Variants in SGCD observed in about 807,000 individuals in gnomAD.
SGCD encodes sarcoglycan delta, also known as delta-sarcoglycan.
Under a neutral mutation model 36.6 loss-of-function variants are expected in SGCD, and 18 were observed. The observed-to-expected ratio is 0.49, with a 90% confidence interval of 0.34 to 0.73. The LOEUF is 0.73. Among genes scored for constraint, SGCD ranks in the 30% least tolerant of loss-of-function variants. SGCD has a pLI of 0.01. For missense variants in SGCD, 387 were observed against 346.7 expected (o/e 1.12, Z -0.92); for synonymous variants, 133 against 130.6 (o/e 1.02, Z -0.12).
At chr5:156,496,796 G>A (rs1180918324) in intron 3 of SGCD, among the ~76,000 whole-genome samples, 1 of 152,098 alleles carries the variant, frequency 6.6e-6, no homozygotes, top group Non-Finnish European at 1.5e-5. Context: ...ATAAAGAGCA[G>A]CAAAGTGCTT....
At chr5:155,915,303 T>G (rs1580988594) in intron 1 of SGCD, among the ~76,000 whole-genome samples, 1 of 152,296 alleles carries the variant, frequency 6.6e-6, no homozygotes, top group East Asian at 1.9e-4. Flanking sequence ...ATACACAATT[T>G]GAGTAAGGTT....
intron 3 of SGCD, among the ~76,000 whole-genome samples, chr5:156,246,227 A>G (rs1040774040): frequency 6.6e-6 from 1 of 152,178 alleles, no homozygotes; most frequent in African/African-American, 2.4e-5. Flanking sequence ...TGTGATCTAA[A>G]TATTTTATGT....
At chr5:156,186,677 G>A (rs1029383710) in intron 3 of SGCD, among the ~76,000 whole-genome samples, 3 of 152,152 alleles carry the variant, frequency 2.0e-5, no homozygotes, top group African/African-American at 7.2e-5. Context: ...GCTCTAGCCT[G>A]GAATTGATAT....
chr5:156,569,887 G>A (rs1041470868), intron 4 of SGCD, among the ~76,000 whole-genome samples: 14 of 152,136 alleles, frequency 9.2e-5, no homozygotes, highest in African/African-American at 3.4e-4. Context: ...GAGAAACCCA[G>A]TAAGAAAGAA....
intron 3 of SGCD, among the ~76,000 whole-genome samples, chr5:156,447,874 T>G (rs1401879200): frequency 6.6e-6 from 1 of 152,152 alleles, no homozygotes; most frequent in Non-Finnish European, 1.5e-5. Context: ...CTGTGCTAAG[T>G]GCTTTATGAT....
chr5:156,380,574 A>G (rs1770924108), intron 3 of SGCD, among the ~76,000 whole-genome samples: 1 of 152,214 alleles, frequency 6.6e-6, no homozygotes, highest in African/African-American at 2.4e-5. Context: ...GTTTAGAAGT[A>G]GTGATGCCTG....
At chr5:156,230,598 G>A (rs1345904809) in intron 3 of SGCD, among the ~76,000 whole-genome samples, 1 of 152,108 alleles carries the variant, frequency 6.6e-6, no homozygotes, top group Non-Finnish European at 1.5e-5. Flanking sequence ...TCCTGCAGGA[G>A]CAGTCCGCTT....
intron 3 of SGCD, among the ~76,000 whole-genome samples, chr5:156,299,730 G>C (rs78826364): frequency 6.6e-6 from 1 of 152,066 alleles, no homozygotes; most frequent in African/African-American, 2.4e-5. Flanking sequence ...TGATTTCTTT[G>C]TTAGGCTGTT....
chr5:156,226,283 T>C (rs930924619), intron 3 of SGCD, among the ~76,000 whole-genome samples: 2 of 152,166 alleles, frequency 1.3e-5, no homozygotes, highest in Non-Finnish European at 2.9e-5. Flanking sequence ...TGCATCCTCA[T>C]AGCTTAGCTC....
chr5:155,877,189 A>C (rs1457861335), intron 1 of SGCD, among the ~76,000 whole-genome samples: 1 of 152,100 alleles, frequency 6.6e-6, no homozygotes, highest in Non-Finnish European at 1.5e-5. Flanking sequence ...AATTCAGTCC[A>C]ACTGTGTCTT....
At chr5:156,244,529 G>A (rs1242410250) in intron 3 of SGCD, among the ~76,000 whole-genome samples, 1 of 152,300 alleles carries the variant, frequency 6.6e-6, no homozygotes, top group African/African-American at 2.4e-5. Flanking sequence ...ATTGGGTTCA[G>A]TGTTTTAGTA....
chr5:156,010,653 A>C lies in SGCD; in HGVS notation c.-281-107225A>C, dbSNP rs568352259. Among the ~76,000 whole-genome samples, 544 of 152,308 alleles carry C rather than the reference A, an allele frequency of 3.6e-3. 6 individuals carry two copies. The highest frequency in any genetic ancestry group is 0.012 in the African/African-American group (496 of 41,576). On this transcript the variant is annotated intron_variant, in intron 1 of 9. Transcript: ENST00000517913. ...TAGTAATTCGACAAACATCATGCTA[A>C]GTGCTCTACATATATTATCTCATTT...
chr5:156,178,785 C>G (rs891124932), intron 3 of SGCD, among the ~76,000 whole-genome samples: 5 of 152,120 alleles, frequency 3.3e-5, no homozygotes, highest in Non-Finnish European at 5.9e-5. Context: ...AGGCTGGTCT[C>G]AAACTCCTGA....
chr5:156,295,195 A>G (rs767641033), intron 3 of SGCD, among the ~76,000 whole-genome samples: 6 of 152,240 alleles, frequency 3.9e-5, no homozygotes, highest in Admixed American at 6.5e-5. Flanking sequence ...GCCTGGCTTA[A>G]TCTTGGTAGG....
chr5:156,765,249 A>G lies in SGCD; in HGVS notation c.*5859A>G, dbSNP rs1757567037. 6.6e-6 allele frequency: 1 copy of G among 152,228 alleles called. No individual in the cohort carries two copies. Among genetic ancestry groups the G allele is most frequent in the Non-Finnish European group, 1.5e-5 (1 of 68,038 alleles). The allele number at this position is 152,228 out of a possible 1,614,324, so 9.4% of individuals were successfully genotyped here. A position where few individuals can be genotyped will look rare whatever the true frequency, so the allele number is the denominator to read the frequency against. ...AATCAGAGATAGCTCAGGATTTCAT[A>G]AAACGAGAAACTCCAAACTGGTCTA... On this transcript the variant is annotated 3_prime_UTR_variant, in exon 9 of 9. Transcript: ENST00000337851.
intron 3 of SGCD, among the ~76,000 whole-genome samples, chr5:156,507,866 G>T (rs1756769323): frequency 1.3e-5 from 2 of 152,260 alleles, no homozygotes; most frequent in Non-Finnish European, 2.9e-5. Flanking sequence ...GCAAATTATA[G>T]AGAGAAAAAA....
Position 156,764,926 on chromosome 5 carries a change from T to C in SGCD, c.*5536T>C, listed in dbSNP as rs1757561304. On this transcript the variant is annotated 3_prime_UTR_variant, in exon 9 of 9. Coordinates refer to ENST00000337851, the MANE Select transcript of SGCD (RefSeq NM_000337.6). ...TAGAACAAAGAAACAGCCACTGTAA[T>C]CGAGAAGCATGTTTACTGTCTAAAT... 1 of 152,186 alleles carries C rather than the reference T, an allele frequency of 6.6e-6. No individual in the cohort carries two copies. 9.4% of individuals were successfully genotyped at this position (152,186 alleles called of 1,614,324 possible). A position where few individuals can be genotyped will look rare whatever the true frequency, so the allele number is the denominator to read the frequency against.
rs921643089 is a variant in SGCD at position 156,167,670 on chromosome 5, C to T, written c.-44+43651C>T. Among the ~76,000 whole-genome samples the T allele has an allele frequency of 3.9e-5, 6 of 152,084 alleles. No homozygotes were observed. In the South Asian group the frequency reaches 8.3e-4, roughly 21 times the overall value. ...GTCTCTCTGTTGCTCCCTCTCTTGT[C>T]GTGTGATACGCCTGCTCCCTCTTTG... On this transcript the variant is annotated intron_variant, in intron 3 of 9. Transcript: ENST00000517913.
At chr5:156,711,200 G>T (rs962352138) in intron 7 of SGCD, among the ~76,000 whole-genome samples, 1 of 152,042 alleles carries the variant, frequency 6.6e-6, no homozygotes, top group Non-Finnish European at 1.5e-5. Flanking sequence ...TGGTCAAGAG[G>T]GGGGGTCCAT....
Sources: gnomAD v4.1 joint callset for allele counts (sites outside exome capture counted in the v4.1 genomes callset) on GRCh38, gnomAD v4.1.1 for gene constraint, MANE v1.5 for transcripts, NCBI Gene and HGNC (gene_info 2026-07-23, HGNC 2026-07-21) for gene names.